The following ARL5A variants were observed in gnomAD, a reference collection of about 807,000 sequenced individuals.
ARL5A encodes the protein ARF like GTPase 5A.
Under a neutral mutation model 25.9 loss-of-function variants are expected in ARL5A, and 18 were observed. The observed-to-expected ratio is 0.69, with a 90% CI of 0.48 to 1.03. The LOEUF (loss-of-function observed/expected upper bound fraction) is 1.03, where lower values mean the gene tolerates loss of function less well. Among genes scored for constraint, ARL5A ranks in the 50% least tolerant of loss-of-function variants. The pLI is 0.00. For missense variants in ARL5A, 170 were observed against 211.9 expected (o/e 0.80, Z 1.23); for synonymous variants, 61 against 67.5 (o/e 0.90, Z 0.47).
At position 151,806,988 on chromosome 2, in the gene ARL5A, A is replaced by C. The variant is rs2099830182; in HGVS notation, c.340-16T>G. 2 of 1,595,420 alleles carry C rather than the reference A, an allele frequency of 1.3e-6. No individual in the cohort carries two copies. The highest frequency in any genetic ancestry group is 1.1e-5 in the South Asian group (1 of 87,302). On this transcript the variant is annotated splice_polypyrimidine_tract_variant and intron_variant, in intron 4 of 5. Coordinates refer to ENST00000295087, the MANE Select transcript of ARL5A (RefSeq NM_012097.4). ...TTCTTAGGTCCTATTAAAGCAAATAAAACTGTAAAGGCCAATACATTTTCC... is the reference window on the plus strand; with the variant it reads ...TTCTTAGGTCCTATTAAAGCAAATACAACTGTAAAGGCCAATACATTTTCC...
At position 151,828,199 on chromosome 2, in the gene ARL5A, C is replaced by T; in HGVS notation, c.-23G>A. Reference sequence around the variant, plus strand: ...CATTCTCGGGCAGCGGACCCCCCCCCTCCAGACACCCGGGCCGCCTGGCTT... The same window carrying T: ...CATTCTCGGGCAGCGGACCCCCCCCTTCCAGACACCCGGGCCGCCTGGCTT... On this transcript the variant is annotated 5_prime_UTR_variant, in exon 1 of 6. Transcript: ENST00000295087. 6.2e-7 allele frequency: 1 copy of T among 1,601,072 alleles called. No homozygotes were observed. The highest frequency in any genetic ancestry group is 8.5e-7 in the Non-Finnish European group (1 of 1,172,360).
At chr2:151,812,587 T>C in intron 3 of ARL5A, 147 bp from the exon 4 acceptor site, 1 of 497,656 alleles carries the variant, frequency 2.0e-6, no homozygotes, top group South Asian at 3.9e-5. Context: ...CTATACATTG[T>C]GAAGCCAAAA....
At chr2:151,810,692 A>G (rs1315251757) in intron 4 of ARL5A, 2 of 267,276 alleles carry the variant, frequency 7.5e-6, no homozygotes, top group African/African-American at 4.6e-5. Context: ...GACCTATGTA[A>G]GTTAATGCCC....
intron 5 of ARL5A, 67 bp downstream of exon 5, chr2:151,806,754 T>TA: frequency 6.8e-7 from 1 of 1,475,258 alleles, no homozygotes; most frequent in Admixed American, 2.2e-5. Context: ...TTTAGGAGTT[T>TA]AAAGAAGATA....
chr2:151,822,948 T>C (rs1523181), intron 1 of ARL5A, among the ~76,000 whole-genome samples: 131,932 of 152,238 alleles, frequency 0.87, 57,870 homozygotes, highest in Middle Eastern at 0.94. Flanking sequence ...AAAGTTAATA[T>C]ATATTCCCCC....
At chr2:151,809,025 GC>G (rs1432662328) in intron 4 of ARL5A, among the ~76,000 whole-genome samples, 1 of 152,172 alleles carries the variant, frequency 6.6e-6, no homozygotes, top group Non-Finnish European at 1.5e-5. Flanking sequence ...TCCAGCCTGG[GC>G]AACAGAGTGA....
intron 4 of ARL5A, among the ~76,000 whole-genome samples, chr2:151,810,101 A>C (rs963472857): frequency 2.0e-5 from 3 of 152,100 alleles, no homozygotes; most frequent in African/African-American, 7.2e-5. Context: ...AACAACAAAA[A>C]AAAAAACTTC....
At chr2:151,810,597 T>C (rs1368040630) in intron 4 of ARL5A, 1 of 436,508 alleles carries the variant, frequency 2.3e-6, no homozygotes, top group East Asian at 7.5e-5. Flanking sequence ...ATACTCAAGT[T>C]CAAAACCTGG....
At chr2:151,817,356 G>C (rs2151295467) in intron 1 of ARL5A, among the ~76,000 whole-genome samples, 1 of 152,246 alleles carries the variant, frequency 6.6e-6, no homozygotes, top group Non-Finnish European at 1.5e-5. Flanking sequence ...TACATTTCTA[G>C]TGACTACAAC....
At chr2:151,810,090 C>T (rs1244522925) in intron 4 of ARL5A, among the ~76,000 whole-genome samples, 1 of 151,890 alleles carries the variant, frequency 6.6e-6, no homozygotes, top group African/African-American at 2.4e-5. Flanking sequence ...ATCAAAACAA[C>T]AACAACAAAA....
Position 151,826,405 on chromosome 2 carries a change from C to T in ARL5A, c.46+1726G>A, listed in dbSNP as rs544064201. ...CAATTTGTAGTGATACCAGAGCACA[C>T]ACCCTTATTATTTACTACTCCAAGG... On this transcript the variant is annotated intron_variant, in intron 1 of 5. Coordinates refer to ENST00000295087, the MANE Select transcript of ARL5A (RefSeq NM_012097.4). 2.0e-5 allele frequency among the ~76,000 whole-genome samples: 3 copies of T among 152,302 alleles called. No individual in the cohort carries two copies. The South Asian group carries it at 6.2e-4, about 32-fold the overall frequency.
At chr2:151,815,537 T>C (rs948389356) in intron 1 of ARL5A, among the ~76,000 whole-genome samples, 5 of 152,242 alleles carry the variant, frequency 3.3e-5, no homozygotes, top group African/African-American at 1.2e-4. Context: ...ACTTAAAGTA[T>C]AAATGTTTCA....
Position 151,802,720 on chromosome 2 carries a change from A to C in ARL5A, c.*556T>G, listed in dbSNP as rs1400682048. 1 of 152,908 alleles carries C rather than the reference A, an allele frequency of 6.5e-6. No individual in the cohort carries two copies. The highest frequency in any genetic ancestry group is 1.5e-5 in the Non-Finnish European group (1 of 68,322). 9.5% of individuals were successfully genotyped at this position (152,908 alleles called of 1,614,324 possible). On this transcript the variant is annotated 3_prime_UTR_variant, in exon 6 of 6. Coordinates refer to ENST00000295087, the MANE Select transcript of ARL5A (RefSeq NM_012097.4). ...GAACACTAATGCCAATACTTATCTC[A>C]TTGTGGTTATAACGAAGGATATTAT...
intron 1 of ARL5A, chr2:151,827,917 G>A: frequency 3.6e-6 from 2 of 558,272 alleles, no homozygotes; most frequent in Non-Finnish European, 6.3e-6. Context: ...TCTTAGGAAG[G>A]TCTCCTAAGA....
At chr2:151,817,773 C>A (rs1418816705) in intron 1 of ARL5A, among the ~76,000 whole-genome samples, 4 of 151,952 alleles carry the variant, frequency 2.6e-5, no homozygotes, top group Non-Finnish European at 5.9e-5. Flanking sequence ...AGGCTGAGGC[C>A]GTCGGGTGGA....
In ARL5A at chr2:151,828,261, C is replaced by G; in HGVS notation, c.-85G>C. 1.6e-6 allele frequency: 2 copies of G among 1,247,520 alleles called. No individual in the cohort carries two copies. The highest frequency in any genetic ancestry group is 1.3e-5 in the South Asian group (1 of 78,976). The allele number at this position is 1,247,520 out of a possible 1,614,324, so 77.3% of individuals were successfully genotyped here. On this transcript the variant is annotated 5_prime_UTR_variant, in exon 1 of 6. Coordinates refer to ENST00000295087, the MANE Select transcript of ARL5A (RefSeq NM_012097.4). Reference sequence around the variant, plus strand: ...GGCTGAGGGGGAGGAGAGAGACGCGCTGGAGCCTCCGCCTCTGCTGCTGCT... The same window carrying G: ...GGCTGAGGGGGAGGAGAGAGACGCGGTGGAGCCTCCGCCTCTGCTGCTGCT...
rs2099831210 is a variant in ARL5A at position 151,814,291 on chromosome 2, A to T, written c.133T>A (p.Ser45Thr). The T allele has an allele frequency of 2.5e-6, 4 of 1,582,222 alleles. No homozygotes were observed. Among genetic ancestry groups the T allele is most frequent in the Non-Finnish European group, 3.4e-6 (4 of 1,167,964 alleles). ...QFSMNEVVHTSPTIGSNVEEI... is the reference protein window; with the variant it reads ...QFSMNEVVHTTPTIGSNVEEI... ...TCTACATTACTTCCTATTGTAGGAG[A>T]TGTATGTACAACTTCATTCATAGAA... The change falls in exon 3 of 6, where the codon TCT becomes ACT. Residue 45 changes from serine to threonine, a missense_variant. By Grantham distance (58) the Ser-to-Thr change is moderately conservative. Transcript: ENST00000295087.
In ARL5A at chr2:151,828,119, C is replaced by G. The variant is rs374462800; in HGVS notation, c.46+12G>C. On this transcript the variant is annotated intron_variant, in intron 1 of 5. Transcript: ENST00000295087. ...CTCCCCAACCCGTACGCCCGCGGAC[C>G]GAGCTCCTCACCCTGGTGATTGAAC... The G allele has an allele frequency of 3.7e-6, 6 of 1,609,206 alleles. No individual in the cohort carries two copies. The African/African-American group carries it at 6.7e-5, about 18-fold the overall frequency.
At chr2:151,825,109 T>C (rs2099832871) in intron 1 of ARL5A, among the ~76,000 whole-genome samples, 1 of 152,220 alleles carries the variant, frequency 6.6e-6, no homozygotes, top group Non-Finnish European at 1.5e-5. Flanking sequence ...GTGGAATTTG[T>C]CTGTTTTGTT....
Sources: allele counts gnomAD v4.1 joint callset (sites outside exome capture counted in the v4.1 genomes callset), GRCh38; gene constraint gnomAD v4.1.1; transcripts MANE v1.5; gene names NCBI Gene and HGNC (gene_info 2026-07-23, HGNC 2026-07-21).